The following SLC17A1 variants were observed in gnomAD, a reference collection of about 807,000 sequenced individuals.
SLC17A1 encodes sodium-dependent phosphate transport protein 1.
A neutral mutation model predicts 53.5 loss-of-function variants in SLC17A1; 51 were observed. The observed-to-expected ratio is 0.95, with a 90% CI of 0.76 to 1.20. SLC17A1 has a LOEUF of 1.20. SLC17A1 is among the 50% of genes most tolerant of loss of function. The pLI, the probability that SLC17A1 is intolerant of heterozygous loss-of-function variation, is 0.00. For missense variants in SLC17A1, 538 were observed against 568.2 expected (o/e 0.95, Z 0.54); for synonymous variants, 179 against 198.8 (o/e 0.90, Z 0.84).
chr6:25,742,553 G>C, the SLC17A1 span, among the ~76,000 whole-genome samples: 1 of 148,034 alleles, frequency 6.8e-6, no homozygotes, highest in African/African-American at 2.5e-5. Context: ...GTATGCACCT[G>C]TAATCCTAGT....
rs182969725 is a variant in SLC17A1 at position 25,807,019 on chromosome 6, A to G, written c.1178+4379T>C. On this transcript the variant is annotated intron_variant, in intron 10 of 12. Coordinates refer to ENST00000244527, the MANE Select transcript of SLC17A1 (RefSeq NM_005074.5). ...AAGAATGGCCATTATTAAAAAGTTA[A>G]AAAACAATAGACATTGATGTGGATG... Among the ~76,000 whole-genome samples the G allele has an allele frequency of 7.0e-3, 1,072 of 152,242 alleles. 9 individuals are homozygous for G. The highest frequency in any genetic ancestry group is 0.034 in the Middle Eastern group (10 of 294).
chr6:25,768,960 A>AT, the SLC17A1 span: 1 of 1,610,082 alleles, frequency 6.2e-7, no homozygotes, highest in Non-Finnish European at 8.5e-7. Context: ...TCTGATTGTG[A>AT]TTTTTCATGC....
the SLC17A1 span, chr6:25,770,486 A>C: frequency 6.2e-7 from 1 of 1,612,120 alleles, no homozygotes; most frequent in Non-Finnish European, 8.5e-7. Flanking sequence ...CTGGTACCCT[A>C]AACCTCACTT....
At chr6:25,794,016 T>C (rs1304160312) in intron 12 of SLC17A1, among the ~76,000 whole-genome samples, 1 of 152,210 alleles carries the variant, frequency 6.6e-6, no homozygotes, top group Non-Finnish European at 1.5e-5. Context: ...CCACACACCT[T>C]CTTAATTTTG....
the SLC17A1 span, among the ~76,000 whole-genome samples, chr6:25,751,738 A>G: frequency 6.6e-6 from 1 of 152,170 alleles, no homozygotes; most frequent in African/African-American, 2.4e-5. Flanking sequence ...GCTTATCCTG[A>G]CTGATAGAGC....
chr6:25,763,655 C>A, the SLC17A1 span, among the ~76,000 whole-genome samples: 27 of 152,272 alleles, frequency 1.8e-4, no homozygotes, highest in African/African-American at 6.3e-4. Flanking sequence ...TGGAGAAATG[C>A]CCCCTCCCCC....
chr6:25,726,573 C>G, the SLC17A1 span: 2 of 1,569,198 alleles, frequency 1.3e-6, no homozygotes, highest in Admixed American at 1.7e-5. Context: ...ATTTCTAGGG[C>G]TGCTACTGGG....
intron 11 of SLC17A1, 39 bp from the exon 12 acceptor site, chr6:25,798,958 T>C (rs762423358): frequency 6.6e-7 from 1 of 1,519,070 alleles, no homozygotes; most frequent in Non-Finnish European, 8.9e-7. Flanking sequence ...AAATTATTGC[T>C]CTTGTTTTTT....
chr6:25,732,171 T>C, the SLC17A1 span: 1 of 420,866 alleles, frequency 2.4e-6, no homozygotes, highest in Non-Finnish European at 4.3e-6. Flanking sequence ...ATGTTTATCT[T>C]CCAAGTTCAC....
chr6:25,816,848 ATTT>A (rs5875070), intron 6 of SLC17A1, among the ~76,000 whole-genome samples: 3 of 142,218 alleles, frequency 2.1e-5, no homozygotes, highest in African/African-American at 2.6e-5. Flanking sequence ...TGGCCAGGCC[ATTT>A]TTTTTTTTTT....
At chr6:25,769,180 T>C in the SLC17A1 span, 1 of 1,613,774 alleles carries the variant, frequency 6.2e-7, no homozygotes, top group Non-Finnish European at 8.5e-7. Flanking sequence ...CTAAAAGAAT[T>C]TAAAGCAATG....
intron 6 of SLC17A1, among the ~76,000 whole-genome samples, chr6:25,816,610 T>A (rs1764366483): frequency 6.6e-6 from 1 of 152,236 alleles, no homozygotes; most frequent in Admixed American, 6.5e-5. Context: ...AAGCCATAAG[T>A]GATCTTGGCA....
intron 2 of SLC17A1, among the ~76,000 whole-genome samples, 193 bp downstream of exon 2, chr6:25,830,331 C>T (rs891761074): frequency 6.6e-6 from 1 of 152,088 alleles, no homozygotes; most frequent in African/African-American, 2.4e-5. Context: ...TGTAAGCCAC[C>T]AGAGTATGTA....
At chr6:25,746,357 T>C in the SLC17A1 span, among the ~76,000 whole-genome samples, 4 of 139,046 alleles carry the variant, frequency 2.9e-5, no homozygotes, top group Admixed American at 1.5e-4. Flanking sequence ...ATAACATTTA[T>C]AAAGGTAATT....
chr6:25,737,675 T>G, the SLC17A1 span, among the ~76,000 whole-genome samples: 1 of 152,148 alleles, frequency 6.6e-6, no homozygotes, highest in Non-Finnish European at 1.5e-5. Flanking sequence ...AACATGATTT[T>G]GGAAATAAAA....
In SLC17A1 at chr6:25,819,224, C is replaced by T. The variant is rs1283784095; in HGVS notation, c.530-70G>A. 6 of 1,070,544 alleles carry T rather than the reference C, an allele frequency of 5.6e-6. No individual in the cohort carries two copies. The Admixed American group carries it at 1.6e-4, about 28-fold the overall frequency. The allele number at this position is 1,070,544 out of a possible 1,614,324, so 66.3% of individuals were successfully genotyped here. A position where few individuals can be genotyped will look rare whatever the true frequency, so the allele number is the denominator to read the frequency against. On this transcript the variant is annotated intron_variant, in intron 5 of 12. Coordinates refer to ENST00000244527, the MANE Select transcript of SLC17A1 (RefSeq NM_005074.5). ...TGAAAGCAGAGATAATGTAGCCTCACTGTAGCAATGAACAATTTCCTGTGA... is the reference window on the plus strand; with the variant it reads ...TGAAAGCAGAGATAATGTAGCCTCATTGTAGCAATGAACAATTTCCTGTGA...
intron 1 of SLC17A1, 82 bp from the exon 2 acceptor site, chr6:25,830,689 A>G: frequency 6.1e-6 from 5 of 826,388 alleles, no homozygotes; most frequent in Non-Finnish European, 7.9e-6. Flanking sequence ...TCTCTGATTT[A>G]AAACCGCTTC....
chr6:25,767,131 CT>C, the SLC17A1 span, among the ~76,000 whole-genome samples: 1 of 151,880 alleles, frequency 6.6e-6, no homozygotes, highest in Non-Finnish European at 1.5e-5. Flanking sequence ...GGCTATGTAC[CT>C]AAAACATTTC....
intron 2 of SLC17A1, 55 bp from the exon 3 acceptor site, chr6:25,826,688 C>G: frequency 7.4e-7 from 1 of 1,355,672 alleles, no homozygotes; most frequent in Non-Finnish European, 9.8e-7. Context: ...TAAAAACATA[C>G]TTTAACTATA....
Sources: allele counts gnomAD v4.1 joint callset (sites outside exome capture counted in the v4.1 genomes callset), GRCh38; gene constraint gnomAD v4.1.1; transcripts MANE v1.5; gene names NCBI Gene and HGNC (gene_info 2026-07-23, HGNC 2026-07-21).